The following IKZF2 variants were observed in gnomAD, a reference collection of about 807,000 sequenced individuals.
The protein encoded by IKZF2 is IKAROS family zinc finger 2, also known as zinc finger protein Helios.
IKZF2 carries 15 observed loss-of-function variants against 49.2 expected under a neutral mutation model. The observed-to-expected ratio is 0.30, with a 90% CI of 0.20 to 0.47. The LOEUF (loss-of-function observed/expected upper bound fraction) is 0.47, where lower values mean the gene tolerates loss of function less well. IKZF2 is among the 20% of genes least tolerant of loss of function. IKZF2 has a pLI of 1.00. For synonymous variants in IKZF2, 227 were observed against 221.4 expected (o/e 1.03, Z -0.23); for missense variants, 567 against 664.6 (o/e 0.85, Z 1.61).
chr2:213,066,892 T>C (rs565816797), intron 4 of IKZF2, among the ~76,000 whole-genome samples: 42 of 152,250 alleles, frequency 2.8e-4, no homozygotes, highest in Non-Finnish European at 5.4e-4. Flanking sequence ...TGCTTACTTA[T>C]ATAAATGTTG....
chr2:213,140,032 C>G lies in IKZF2; in HGVS notation c.139+7676G>C, dbSNP rs1293872228. 2.0e-5 allele frequency among the ~76,000 whole-genome samples: 3 copies of G among 151,858 alleles called. No individual in the cohort carries two copies. In the South Asian group the frequency reaches 6.2e-4, roughly 32 times the overall value. The stretch of plus-strand genomic sequence containing the variant: ...AACACCCCAAACCTATTTTTTGAGC[C>G]CCAGCACCAGCAATGCATCATACAC... On this transcript the variant is annotated intron_variant, in intron 4 of 8. Coordinates refer to ENST00000434687, the MANE Select transcript of IKZF2 (RefSeq NM_001387220.1).
intron 4 of IKZF2, among the ~76,000 whole-genome samples, chr2:213,145,666 C>T (rs933027283): frequency 1.3e-5 from 2 of 152,016 alleles, no homozygotes; most frequent in Non-Finnish European, 2.9e-5. Flanking sequence ...TCTTCTCCAT[C>T]TAACACCTAA....
chr2:213,013,483 G>A (rs1411084824), intron 8 of IKZF2, among the ~76,000 whole-genome samples: 9 of 151,110 alleles, frequency 6.0e-5, no homozygotes, highest in Non-Finnish European at 1.2e-4. Context: ...AGGCTGGACC[G>A]TTTCTCTTCT....
At chr2:213,143,326 T>C (rs1182481455) in intron 4 of IKZF2, among the ~76,000 whole-genome samples, 2 of 151,946 alleles carry the variant, frequency 1.3e-5, no homozygotes, top group African/African-American at 4.8e-5. Flanking sequence ...CCATACGTTG[T>C]TTTGTTTTTT....
At chr2:213,064,446 C>CA (rs2125437810) in intron 4 of IKZF2, among the ~76,000 whole-genome samples, 1 of 152,040 alleles carries the variant, frequency 6.6e-6, no homozygotes, top group Non-Finnish European at 1.5e-5. Context: ...GAATGGAGGG[C>CA]AAAATATCTA....
At chr2:213,098,993 T>G (rs1388240414) in intron 4 of IKZF2, among the ~76,000 whole-genome samples, 2 of 152,148 alleles carry the variant, frequency 1.3e-5, no homozygotes, top group African/African-American at 4.8e-5. Context: ...CCTTAAACAC[T>G]GTGCAAAGGT....
intron 6 of IKZF2, among the ~76,000 whole-genome samples, chr2:213,034,425 C>A (rs79083491): frequency 0.016 from 2,410 of 152,282 alleles, 75 homozygotes; most frequent in East Asian, 0.12. Flanking sequence ...TCATTTCTAG[C>A]TTTTGATTTA....
Position 213,150,194 on chromosome 2 carries a change from G to A in IKZF2, c.-66C>T. 1 of 1,303,308 alleles carries A rather than the reference G, an allele frequency of 7.7e-7. No homozygotes were observed. Among genetic ancestry groups the A allele is most frequent in the Non-Finnish European group, 1.0e-6 (1 of 987,772 alleles). 80.7% of individuals were successfully genotyped at this position (1,303,308 alleles called of 1,614,324 possible). A position where few individuals can be genotyped will look rare whatever the true frequency, so the allele number is the denominator to read the frequency against. On this transcript the variant is annotated 5_prime_UTR_variant, in exon 2 of 9. Transcript: ENST00000434687. ...AAGATTCATCACCATTTCCAGCTCT[G>A]TCGGGAGATCTCAGCTTCTTCTAAC...
At chr2:213,097,694 A>G (rs76726716) in intron 4 of IKZF2, among the ~76,000 whole-genome samples, 5,261 of 152,232 alleles carry the variant, frequency 0.035, 300 homozygotes, top group African/African-American at 0.12. Flanking sequence ...TGATTGTATC[A>G]TAGAACCTGA....
At chr2:213,058,357 T>C in intron 4 of IKZF2, among the ~76,000 whole-genome samples, 1 of 152,060 alleles carries the variant, frequency 6.6e-6, no homozygotes, top group East Asian at 1.9e-4. Flanking sequence ...AGTGAGGAAC[T>C]TAGGTTTAAT....
intron 6 of IKZF2, among the ~76,000 whole-genome samples, chr2:213,028,314 TC>T (rs1698037030): frequency 1.3e-5 from 2 of 152,134 alleles, no homozygotes; most frequent in East Asian, 3.8e-4. Context: ...GTGCAAGTCA[TC>T]CAAATTTGGC....
chr2:213,143,145 G>A (rs897789285), intron 4 of IKZF2, among the ~76,000 whole-genome samples: 1 of 151,892 alleles, frequency 6.6e-6, no homozygotes, highest in Non-Finnish European at 1.5e-5. Flanking sequence ...ATATCAACAT[G>A]TCAAAAGTTA....
chr2:213,063,474 G>A (rs1273505606), intron 4 of IKZF2, among the ~76,000 whole-genome samples: 1 of 151,638 alleles, frequency 6.6e-6, no homozygotes, highest in Non-Finnish European at 1.5e-5. Context: ...AAATATGGGG[G>A]GAAATAACAC....
chr2:213,093,539 T>C (rs1237260200), intron 4 of IKZF2, among the ~76,000 whole-genome samples: 1 of 152,166 alleles, frequency 6.6e-6, no homozygotes, highest in Non-Finnish European at 1.5e-5. Context: ...TAATGTCCTA[T>C]TATTTTTATT....
At chr2:213,106,724 T>C (rs1161935498) in intron 4 of IKZF2, among the ~76,000 whole-genome samples, 1 of 151,550 alleles carries the variant, frequency 6.6e-6, no homozygotes, top group African/African-American at 2.4e-5. Context: ...AGACTAAATA[T>C]CTAAAAGTTT....
intron 4 of IKZF2, among the ~76,000 whole-genome samples, chr2:213,140,549 AGAC>A (rs1232806790): frequency 6.6e-6 from 1 of 151,946 alleles, no homozygotes; most frequent in Non-Finnish European, 1.5e-5. Context: ...TACAGAATAA[AGAC>A]AGATCATTAG....
chr2:213,063,125 C>T (rs895999783), intron 4 of IKZF2, among the ~76,000 whole-genome samples: 13 of 151,986 alleles, frequency 8.6e-5, no homozygotes, highest in African/African-American at 2.4e-4. Context: ...GTTTTATAAA[C>T]GGTGGGACAT....
At chr2:213,075,720 T>C (rs992092206) in intron 4 of IKZF2, among the ~76,000 whole-genome samples, 5 of 152,168 alleles carry the variant, frequency 3.3e-5, no homozygotes, top group Non-Finnish European at 5.9e-5. Flanking sequence ...TTAAGTAGTT[T>C]ATGTTAAACA....
intron 4 of IKZF2, among the ~76,000 whole-genome samples, chr2:213,112,220 T>C (rs1482201051): frequency 6.6e-6 from 1 of 151,724 alleles, no homozygotes; most frequent in Non-Finnish European, 1.5e-5. Flanking sequence ...TTATGGGTTA[T>C]TTTTTATTTA....
Sources: gnomAD v4.1 joint callset for allele counts (sites outside exome capture counted in the v4.1 genomes callset) on GRCh38, gnomAD v4.1.1 for gene constraint, MANE v1.5 for transcripts, NCBI Gene and HGNC (gene_info 2026-07-23, HGNC 2026-07-21) for gene names.